The following ACOT11 variants were observed in gnomAD, a reference collection of about 807,000 sequenced individuals.
ACOT11 encodes acyl-CoA thioesterase 11, also known as acyl-coenzyme A thioesterase 11.
Under a neutral mutation model 77.5 loss-of-function variants are expected in ACOT11, and 69 were observed. The ratio of observed to expected loss-of-function variants is 0.89; its 90% CI spans 0.73 to 1.09. The LOEUF is 1.09. ACOT11 is among the 50% of genes least tolerant of loss of function. ACOT11 has a pLI of 0.00. For synonymous variants in ACOT11, 279 were observed against 313.0 expected (o/e 0.89, Z 1.15); for missense variants, 766 against 813.7 (o/e 0.94, Z 0.71).
At chr1:54,604,608 G>A (rs980265631) in intron 12 of ACOT11, among the ~76,000 whole-genome samples, 179 bp downstream of exon 12, 4 of 152,076 alleles carry the variant, frequency 2.6e-5, no homozygotes, top group Non-Finnish European at 5.9e-5. Context: ...GCCTGGAGTC[G>A]AGAACCCCTA....
chr1:54,606,114 CTT>C (rs931103531), intron 13 of ACOT11, among the ~76,000 whole-genome samples: 1 of 152,168 alleles, frequency 6.6e-6, no homozygotes, highest in Non-Finnish European at 1.5e-5. Context: ...CTGAAGGTGT[CTT>C]TGCAAAAAGG....
chr1:54,625,956 AAGAAAGAAAAAAAGAAAAG>A (rs1644269993), intron 15 of ACOT11, among the ~76,000 whole-genome samples: 1 of 145,976 alleles, frequency 6.9e-6, no homozygotes, highest in Non-Finnish European at 1.5e-5. Context: ...AAAAAAAAGA[AAGAAAGAAAAAAAGAAAAG>A]AAAAGGCCAG....
At chr1:54,594,169 G>A in intron 5 of ACOT11, 130 bp downstream of exon 5, 1 of 773,192 alleles carries the variant, frequency 1.3e-6, no homozygotes, top group East Asian at 2.7e-5. Context: ...GGAATCCACA[G>A]CTCCCTGAGG....
At chr1:54,583,522 A>G (rs1056526120) in intron 1 of ACOT11, among the ~76,000 whole-genome samples, 1 of 151,906 alleles carries the variant, frequency 6.6e-6, no homozygotes, top group Non-Finnish European at 1.5e-5. Context: ...AGGTCCCTGG[A>G]CTCCTCATCT....
chr1:54,585,430 G>T (rs1654463338), intron 2 of ACOT11, among the ~76,000 whole-genome samples: 2 of 152,190 alleles, frequency 1.3e-5, no homozygotes, highest in Admixed American at 1.3e-4. Flanking sequence ...AATGACTCAG[G>T]CAGGGAACAG....
At chr1:54,559,015 C>A (rs1653367867) in intron 1 of ACOT11, among the ~76,000 whole-genome samples, 1 of 152,204 alleles carries the variant, frequency 6.6e-6, no homozygotes, top group Non-Finnish European at 1.5e-5. Context: ...CACCCCCTGA[C>A]TCCTCACAAC....
intron 8 of ACOT11, 41 bp downstream of exon 8, chr1:54,599,456 T>C (rs1409338393): frequency 2.6e-6 from 4 of 1,536,828 alleles, no homozygotes; most frequent in Non-Finnish European, 3.5e-6. Context: ...CATTCAGGGC[T>C]GAGGGCTCTT....
In ACOT11 at chr1:54,601,422, G is replaced by A; in HGVS notation, c.1029+9G>A. 6.2e-7 allele frequency: 1 copy of A among 1,609,778 alleles called. No individual in the cohort carries two copies. Among genetic ancestry groups the A allele is most frequent in the Non-Finnish European group, 8.5e-7 (1 of 1,179,282 alleles). ...TTCGGCCCCAGCCCGGCGTAAGTGG[G>A]ACCAGCGCCCTGCCCCACCAGCAGC... On this transcript the variant is annotated intron_variant, in intron 9 of 15. Coordinates refer to ENST00000343744, the MANE Select transcript of ACOT11 (RefSeq NM_147161.4).
At chr1:54,552,718 C>T (rs531861356) in intron 1 of ACOT11, among the ~76,000 whole-genome samples, 1 of 152,302 alleles carries the variant, frequency 6.6e-6, no homozygotes, top group South Asian at 2.1e-4. Context: ...AACTCCTGAC[C>T]TCAGGTGTTC....
rs368333361 is a variant in ACOT11 at position 54,601,428 on chromosome 1, C to T, written c.1029+15C>T. ...CCCAGCCCGGCGTAAGTGGGACCAG[C>T]GCCCTGCCCCACCAGCAGCTCCCCT... On this transcript the variant is annotated intron_variant, in intron 9 of 15. Coordinates refer to ENST00000343744, the MANE Select transcript of ACOT11 (RefSeq NM_147161.4). The T allele has an allele frequency of 6.8e-6, 11 of 1,607,446 alleles. No homozygotes were observed. In the African/African-American group the frequency reaches 8.0e-5, roughly 12 times the overall value.
chr1:54,573,036 G>A, intron 1 of ACOT11: 3 of 985,464 alleles, frequency 3.0e-6, no homozygotes, highest in East Asian at 1.1e-4. Context: ...GGACCATGCT[G>A]GAAAAGGGTA....
At chr1:54,581,763 G>A (rs1348894582) in intron 1 of ACOT11, among the ~76,000 whole-genome samples, 1 of 152,062 alleles carries the variant, frequency 6.6e-6, no homozygotes, top group Non-Finnish European at 1.5e-5. Flanking sequence ...CTCTATCCAG[G>A]GCCTCTCCTC....
chr1:54,626,269 CAAAAAAAAGAAAAG>C (rs1479885958), intron 15 of ACOT11, among the ~76,000 whole-genome samples: 1 of 147,746 alleles, frequency 6.8e-6, no homozygotes, highest in South Asian at 2.2e-4. Flanking sequence ...GACCCTGTTT[CAAAAAAAAGAAAAG>C]AAAAAAGAGA....
In ACOT11 at chr1:54,607,279, T is replaced by C. The variant is rs1388072686; in HGVS notation, c.1502+14T>C. 2.5e-6 allele frequency: 4 copies of C among 1,613,694 alleles called. No individual in the cohort carries two copies. The highest frequency in any genetic ancestry group is 3.4e-6 in the Non-Finnish European group (4 of 1,179,862). On this transcript the variant is annotated intron_variant, in intron 14 of 15. Coordinates refer to ENST00000343744, the MANE Select transcript of ACOT11 (RefSeq NM_147161.4). The surrounding 1 kb of genome is among the most constrained non-coding windows in gnomAD (Gnocchi z 4.5). Reference sequence around the variant, plus strand: ...TTGTGACAATGGGTGTGTGCCTATCTGCTGTGGGGTGGGGGACACAACTGG... The same window carrying C: ...TTGTGACAATGGGTGTGTGCCTATCCGCTGTGGGGTGGGGGACACAACTGG...
At chr1:54,601,547 G>A in intron 9 of ACOT11, 134 bp downstream of exon 9, 1 of 1,345,434 alleles carries the variant, frequency 7.4e-7, no homozygotes. Flanking sequence ...CTGGGGCACA[G>A]CCAGCTGAGT....
At chr1:54,548,490 A>C (rs1408557271) in intron 1 of ACOT11, 148 bp downstream of exon 1, 1 of 1,021,206 alleles carries the variant, frequency 9.8e-7, no homozygotes, top group African/African-American at 1.6e-5. Flanking sequence ...GAGAAATCGC[A>C]GAACCCCTGG....
At position 54,609,520 on chromosome 1, in the gene ACOT11, CT is replaced by C. The variant is rs1557668003; in HGVS notation, c.*409del. ...GGAAGGACACAGGTTGCCAGAGCCC[CT>C]GGCACAACTCTAGCATATCTGTGAG... On this transcript the variant is annotated 3_prime_UTR_variant, in exon 16 of 16. Transcript: ENST00000343744. The C allele has an allele frequency of 1.2e-6, 2 of 1,613,156 alleles. No homozygotes were observed. The highest frequency in any genetic ancestry group is 1.7e-6 in the Non-Finnish European group (2 of 1,180,040).
chr1:54,615,400 G>T (rs1227315008), intron 15 of ACOT11, among the ~76,000 whole-genome samples: 1 of 152,094 alleles, frequency 6.6e-6, no homozygotes, highest in Non-Finnish European at 1.5e-5. Flanking sequence ...AGCCACGGAG[G>T]GTTAAAAGAG....
chr1:54,609,611 GGGAAGACCTCAGCCACAGCTGTAAGCA>G lies in ACOT11; in HGVS notation c.*501_*527del, dbSNP rs1245537589. The G allele has an allele frequency of 1.9e-6, 3 of 1,613,334 alleles. No individual in the cohort carries two copies. Among genetic ancestry groups the G allele is most frequent in the Non-Finnish European group, 2.5e-6 (3 of 1,180,040 alleles). On this transcript the variant is annotated 3_prime_UTR_variant, in exon 16 of 16. Coordinates refer to ENST00000343744, the MANE Select transcript of ACOT11 (RefSeq NM_147161.4). ...CCAGCCTGGTGCCACAGTCACGTGG[GGGAAGACCTCAGCCACAGCTGTAAGCA>G]GCTCTCTGCCAGCCACATGGCCGGG...
Sources: gnomAD v4.1 joint callset for allele counts (sites outside exome capture counted in the v4.1 genomes callset) on GRCh38, gnomAD v4.1.1 for gene constraint, Gnocchi (gnomAD v3.1) non-coding constraint, MANE v1.5 for transcripts, NCBI Gene and HGNC (gene_info 2026-07-23, HGNC 2026-07-21) for gene names.